Variants in CD48 observed in about 807,000 individuals in gnomAD.
CD48 encodes the protein CD48 antigen.
CD48 carries 20 observed loss-of-function variants against 22.0 expected under a neutral mutation model. The ratio of observed to expected loss-of-function variants is 0.91; its 90% confidence interval spans 0.64 to 1.32. CD48 has a LOEUF of 1.32. CD48 is among the 40% of genes most tolerant of loss of function. CD48 has a pLI of 0.00. For synonymous variants in CD48, 110 were observed against 110.1 expected (o/e 1.00, Z 0.01); for missense variants, 307 against 286.5 (o/e 1.07, Z -0.52).
chr1:160,700,691 A>G (rs181552275), intron 1 of CD48, among the ~76,000 whole-genome samples: 7 of 152,318 alleles, frequency 4.6e-5, no homozygotes, highest in Non-Finnish European at 8.8e-5. Context: ...ATAGAAATCA[A>G]GTTAGACAGT....
At chr1:160,704,503 C>T (rs1192112403) in intron 1 of CD48, among the ~76,000 whole-genome samples, 1 of 152,224 alleles carries the variant, frequency 6.6e-6, no homozygotes, top group Admixed American at 6.5e-5. Flanking sequence ...TCTGCACTGA[C>T]TCACTGGCAA....
In CD48 at chr1:160,689,134, T is replaced by A. The variant is rs141540586; in HGVS notation, c.83-3945A>T. Among the ~76,000 whole-genome samples, 754 of 152,280 alleles carry A rather than the reference T, an allele frequency of 5.0e-3. 4 individuals carry two copies. The highest frequency in any genetic ancestry group is 0.017 in the African/African-American group (727 of 41,550). On this transcript the variant is annotated intron_variant, in intron 1 of 3. Coordinates refer to ENST00000368046, the MANE Select transcript of CD48 (RefSeq NM_001778.4). The stretch of plus-strand genomic sequence containing the variant: ...AATGTCCTATTTTATCTGTAGCTGA[T>A]GTTTTCGGAAGATAAGCAGCCTAGA...
intron 1 of CD48, among the ~76,000 whole-genome samples, chr1:160,706,289 G>C (rs1662793052): frequency 6.6e-6 from 1 of 152,126 alleles, no homozygotes; most frequent in Non-Finnish European, 1.5e-5. Context: ...GGTCAGGCTA[G>C]TCTCAAACTC....
At chr1:160,699,275 A>T (rs1405240180) in intron 1 of CD48, 1 of 157,684 alleles carries the variant, frequency 6.3e-6, no homozygotes, top group African/African-American at 2.4e-5. Context: ...CAGATGCTTG[A>T]AGGCAGCATG....
rs1388509517 is a variant in CD48, at chr1:160,711,584, AG to A, written c.82+97del. The A allele has an allele frequency of 3.4e-6, 3 of 885,438 alleles. No homozygotes were observed. The African/African-American group carries it at 4.9e-5, about 15-fold the overall frequency. 54.8% of individuals were successfully genotyped at this position (885,438 alleles called of 1,614,324 possible). On this transcript the variant is annotated intron_variant, in intron 1 of 3. Transcript: ENST00000368046. Reference sequence around the variant, plus strand: ...TGGAAATACCTGCTTTCCAGACACCAGATCTGGCTTCTAGGGTTGAACTACA... The same window carrying A: ...TGGAAATACCTGCTTTCCAGACACCAATCTGGCTTCTAGGGTTGAACTACA...
chr1:160,708,836 T>C (rs541637737), intron 1 of CD48, among the ~76,000 whole-genome samples: 1 of 152,130 alleles, frequency 6.6e-6, no homozygotes, highest in Non-Finnish European at 1.5e-5. Context: ...CTTCAATGAA[T>C]GGAATACACC....
At chr1:160,679,960 C>A (rs1255376528) in intron 3 of CD48, among the ~76,000 whole-genome samples, 1 of 152,136 alleles carries the variant, frequency 6.6e-6, no homozygotes, top group African/African-American at 2.4e-5. Flanking sequence ...GGCAGAAGAG[C>A]AAGGCATATC....
intron 2 of CD48, among the ~76,000 whole-genome samples, chr1:160,682,686 G>T (rs10489637): frequency 2.0e-5 from 3 of 151,864 alleles, no homozygotes; most frequent in Non-Finnish European, 2.9e-5. Context: ...ACCTCATCGC[G>T]CAATGTTAGT....
chr1:160,679,162 G>A (rs762378272), intron 3 of CD48, 31 bp from the exon 4 acceptor site: 2 of 1,574,056 alleles, frequency 1.3e-6, no homozygotes, highest in Non-Finnish European at 1.7e-6. Context: ...TATATGCTTA[G>A]GTATCTTTAT....
At chr1:160,705,986 C>T (rs566555583) in intron 1 of CD48, among the ~76,000 whole-genome samples, 50 of 152,232 alleles carry the variant, frequency 3.3e-4, no homozygotes, top group African/African-American at 1.1e-3. Context: ...TTGGCAGACT[C>T]CCCAGGATGT....
Position 160,681,323 on chromosome 1 carries a change from C to A in CD48, c.531G>T (p.Gln177His), listed in dbSNP as rs201610097. 61 of 1,614,072 alleles carry A rather than the reference C, an allele frequency of 3.8e-5. No homozygotes were observed. Among genetic ancestry groups the A allele is most frequent in the Non-Finnish European group, 1.2e-5 (14 of 1,180,044 alleles). Residue 177 changes from glutamine (Q) to histidine (H), a missense_variant, in exon 3 of 4, where the codon CAG becomes CAT. Transcript: ENST00000368046. The part of the protein sequence containing the change: ...GDKRPFPKEL[Q>H]NSVLETTLMP... ...TAAGGGTGGTTTCAAGCACACTGTT[C>A]TGGAGCTCCTTTGGGAAGGGCCTTT...
Position 160,684,950 on chromosome 1 carries a change from T to G in CD48, c.322A>C (p.Ile108Leu). ...CCAGTCTTTTTCAACACCCTCATGA[T>G]GTAGGTGCTGTTGTCCTCTTTCTGG... Reference protein sequence around the residue: ...KVQKEDNSTYIMRVLKKTGNE... With the variant: ...KVQKEDNSTYLMRVLKKTGNE... Residue 108 changes from isoleucine (I) to leucine (L), a missense_variant, in exon 2 of 4, where the codon ATC becomes CTC. Physicochemically the swap from Ile to Leu is conservative, Grantham distance 5 (BLOSUM62 2). Transcript: ENST00000368046. The G allele has an allele frequency of 6.2e-7, 1 of 1,614,168 alleles. No individual in the cohort carries two copies. Among genetic ancestry groups the G allele is most frequent in the Non-Finnish European group, 8.5e-7 (1 of 1,180,038 alleles).
At chr1:160,682,357 A>G (rs921150691) in intron 2 of CD48, among the ~76,000 whole-genome samples, 6 of 151,048 alleles carry the variant, frequency 4.0e-5, no homozygotes, top group African/African-American at 1.5e-4. Context: ...CCTGCTACTC[A>G]GGAGGCTGAG....
In CD48 at chr1:160,685,592, G is replaced by A. The variant is rs116840002; in HGVS notation, c.83-403C>T. Reference sequence around the variant, plus strand: ...AGTAAGCATGTTGTTAGTCCCTAGAGGCATAGACATAAAAAGTACATGATT... The same window carrying A: ...AGTAAGCATGTTGTTAGTCCCTAGAAGCATAGACATAAAAAGTACATGATT... On this transcript the variant is annotated intron_variant, in intron 1 of 3. Transcript: ENST00000368046. 6.9e-3 allele frequency among the ~76,000 whole-genome samples: 1,053 copies of A among 152,200 alleles called. 16 individuals are homozygous for A. Among genetic ancestry groups the A allele is most frequent in the African/African-American group, 0.024 (991 of 41,512 alleles).
intron 1 of CD48, among the ~76,000 whole-genome samples, chr1:160,689,837 C>G (rs1662138853): frequency 6.6e-6 from 1 of 152,166 alleles, no homozygotes; most frequent in South Asian, 2.1e-4. Flanking sequence ...ATCCTCTTCC[C>G]TACGTTATAA....
chr1:160,703,208 T>C (rs1662688223), intron 1 of CD48, among the ~76,000 whole-genome samples: 1 of 152,162 alleles, frequency 6.6e-6, no homozygotes, highest in African/African-American at 2.4e-5. Flanking sequence ...AGGTATGGAA[T>C]ACGGAATTGT....
chr1:160,687,395 T>C (rs1198186455), intron 1 of CD48, among the ~76,000 whole-genome samples: 1 of 152,192 alleles, frequency 6.6e-6, no homozygotes, highest in East Asian at 1.9e-4. Context: ...GATTAAGAGA[T>C]TAAAGTAAAG....
chr1:160,684,003 C>T (rs1001854321), intron 2 of CD48: 1 of 152,202 alleles, frequency 6.6e-6, no homozygotes, highest in East Asian at 1.9e-4. Context: ...ATCAGTTTCT[C>T]TCTCTTTAAA....
chr1:160,680,981 C>T, intron 3 of CD48: 1 of 1,418,790 alleles, frequency 7.0e-7, no homozygotes, highest in Non-Finnish European at 9.1e-7. Flanking sequence ...CCCAAACGTC[C>T]TTTGCAGGTG....
Sources: gnomAD v4.1 joint callset for allele counts (sites outside exome capture counted in the v4.1 genomes callset) on GRCh38, gnomAD v4.1.1 for gene constraint, MANE v1.5 for transcripts, NCBI Gene and HGNC (gene_info 2026-07-23, HGNC 2026-07-21) for gene names.